SLC44A5: variants seen among roughly 807,000 people sequenced by gnomAD.
The protein encoded by SLC44A5 is choline transporter-like protein 5.
A neutral mutation model predicts 101.8 loss-of-function variants in SLC44A5; 57 were observed. The observed-to-expected ratio is 0.56, with a 90% CI of 0.45 to 0.70. The LOEUF (loss-of-function observed/expected upper bound fraction) is 0.70. SLC44A5 is among the 30% of genes least tolerant of loss of function. The pLI is 0.00. For synonymous variants in SLC44A5, 281 were observed against 290.9 expected (o/e 0.97, Z 0.35); for missense variants, 737 against 853.1 (o/e 0.86, Z 1.70).
chr1:75,282,639 A>G (rs149181403), intron 5 of SLC44A5, among the ~76,000 whole-genome samples: 2 of 152,282 alleles, frequency 1.3e-5, no homozygotes, highest in African/African-American at 4.8e-5. Flanking sequence ...AGGTCACTAG[A>G]TCATGGGTGC....
the SLC44A5 span, among the ~76,000 whole-genome samples, chr1:75,691,169 C>T: frequency 6.6e-6 from 1 of 152,078 alleles, no homozygotes; most frequent in African/African-American, 2.4e-5. Flanking sequence ...TGTCAAGAGC[C>T]TGAACACCAG....
chr1:75,362,232 T>C (rs1034559971), intron 3 of SLC44A5, among the ~76,000 whole-genome samples: 4 of 151,862 alleles, frequency 2.6e-5, no homozygotes, highest in Non-Finnish European at 2.9e-5. Flanking sequence ...ACTTGTTTTT[T>C]TAAAAAAATG....
At chr1:75,351,868 A>AAGAGAG (rs1553165360) in intron 3 of SLC44A5, among the ~76,000 whole-genome samples, 3,804 of 57,384 alleles carry the variant, frequency 0.066, 426 homozygotes, top group Non-Finnish European at 0.092. Context: ...AAAAAAAAAA[A>AAGAGAG]AGAGAGAGAG....
the SLC44A5 span, among the ~76,000 whole-genome samples, chr1:75,653,120 A>G: frequency 9.4e-4 from 143 of 152,318 alleles, no homozygotes; most frequent in African/African-American, 3.3e-3. Flanking sequence ...TTTAATGTTA[A>G]TATCTATGCA....
intron 2 of SLC44A5, among the ~76,000 whole-genome samples, chr1:75,464,602 TGACTGAATGGATG>T (rs1424360469): frequency 1.3e-5 from 2 of 151,954 alleles, no homozygotes; most frequent in Admixed American, 6.6e-5. Flanking sequence ...CAAAATATAC[TGACTGAATGGATG>T]GGAAAAAAAA....
At chr1:75,463,925 AT>A (rs1666659518) in intron 2 of SLC44A5, among the ~76,000 whole-genome samples, 1 of 152,160 alleles carries the variant, frequency 6.6e-6, no homozygotes, top group Admixed American at 6.5e-5. Flanking sequence ...ACAATAAGAT[AT>A]AAATAGAAAC....
At chr1:75,663,067 A>C in the SLC44A5 span, among the ~76,000 whole-genome samples, 2 of 152,160 alleles carry the variant, frequency 1.3e-5, no homozygotes, top group African/African-American at 4.8e-5. Context: ...AGCACACAAA[A>C]GAGCTCAAGC....
At chr1:75,388,812 A>G (rs1470741853) in intron 3 of SLC44A5, among the ~76,000 whole-genome samples, 1 of 151,886 alleles carries the variant, frequency 6.6e-6, no homozygotes, top group East Asian at 1.9e-4. Context: ...CTCACATATC[A>G]ATATTAACCT....
At chr1:75,326,125 T>C (rs1337553773) in intron 4 of SLC44A5, among the ~76,000 whole-genome samples, 1 of 146,166 alleles carries the variant, frequency 6.8e-6, no homozygotes, top group Non-Finnish European at 1.5e-5. Flanking sequence ...TGTGTGTGTG[T>C]ATAATATTTT....
chr1:75,722,675 T>A, the SLC44A5 span, among the ~76,000 whole-genome samples: 1 of 152,226 alleles, frequency 6.6e-6, no homozygotes, highest in Non-Finnish European at 1.5e-5. Context: ...CTGCCTTTGC[T>A]CACGAGAAGC....
At chr1:75,385,287 T>A (rs1392980198) in intron 3 of SLC44A5, among the ~76,000 whole-genome samples, 2 of 145,416 alleles carry the variant, frequency 1.4e-5, no homozygotes, top group Admixed American at 6.8e-5. Context: ...TTTGAAAGGA[T>A]CAACAAAATT....
At chr1:75,666,206 C>T in the SLC44A5 span, among the ~76,000 whole-genome samples, 1 of 152,060 alleles carries the variant, frequency 6.6e-6, no homozygotes, top group Non-Finnish European at 1.5e-5. Context: ...ATAGCAAAGA[C>T]ATGTAATCAA....
At chr1:75,567,103 A>G (rs1260176509) in intron 1 of SLC44A5, among the ~76,000 whole-genome samples, 1 of 151,894 alleles carries the variant, frequency 6.6e-6, no homozygotes, top group African/African-American at 2.4e-5. Flanking sequence ...TTCAGCCTCC[A>G]TAGCCTAATG....
At chr1:75,385,302 G>A (rs1468947485) in intron 3 of SLC44A5, among the ~76,000 whole-genome samples, 1 of 147,886 alleles carries the variant, frequency 6.8e-6, no homozygotes, top group East Asian at 2.0e-4. Context: ...AAAATTGATA[G>A]ACCGCTAGCA....
intron 3 of SLC44A5, among the ~76,000 whole-genome samples, chr1:75,372,320 C>G (rs115231245): frequency 6.6e-6 from 1 of 151,784 alleles, no homozygotes; most frequent in Non-Finnish European, 1.5e-5. Flanking sequence ...TAAATTTACA[C>G]TTACTTTTCC....
the SLC44A5 span, among the ~76,000 whole-genome samples, chr1:75,647,021 T>C: frequency 1.3e-5 from 2 of 152,236 alleles, no homozygotes; most frequent in East Asian, 3.9e-4. Context: ...CCCCAGATAA[T>C]GGGGAAAATG....
chr1:75,636,323 GAGTAAACAATA>G, the SLC44A5 span, among the ~76,000 whole-genome samples: 1 of 151,998 alleles, frequency 6.6e-6, no homozygotes, highest in Non-Finnish European at 1.5e-5. Flanking sequence ...ATCTGGCACA[GAGTAAACAATA>G]AGTAAATGTT....
At chr1:75,569,238 CTTT>C (rs566440021) in intron 1 of SLC44A5, among the ~76,000 whole-genome samples, 28 of 112,836 alleles carry the variant, frequency 2.5e-4, no homozygotes, top group African/African-American at 5.0e-4. Context: ...TCATCTCTAC[CTTT>C]TTTTTTTTTT....
the SLC44A5 span, among the ~76,000 whole-genome samples, chr1:75,666,729 A>G: frequency 6.6e-6 from 1 of 152,112 alleles, no homozygotes; most frequent in Non-Finnish European, 1.5e-5. Flanking sequence ...CCCATCAAAA[A>G]TCTTGTCCAC....
Sources: gnomAD v4.1 joint callset for allele counts (sites outside exome capture counted in the v4.1 genomes callset) on GRCh38, gnomAD v4.1.1 for gene constraint, MANE v1.5 for transcripts, NCBI Gene and HGNC (gene_info 2026-07-23, HGNC 2026-07-21) for gene names.